The following CDK19 variants were observed in gnomAD, a reference collection of about 807,000 sequenced individuals.
CDK19 encodes cyclin-dependent kinase 19.
In CDK19, 20 loss-of-function variants were observed where a neutral mutation model predicts 68.3. The ratio of observed to expected loss-of-function variants is 0.29; its 90% CI spans 0.21 to 0.43. The LOEUF is 0.43. Ranked by LOEUF, CDK19 falls within the 20% of genes least tolerant of loss-of-function variation. The probability of loss-of-function intolerance (pLI) is 1.00; values close to 1 mark genes in which losing one functional copy is unlikely to be tolerated. For missense variants in CDK19, 339 were observed against 623.5 expected (o/e 0.54, Z 4.86); for synonymous variants, 221 against 222.8 (o/e 0.99, Z 0.07).
At chr6:110,785,622 TGGCAGA>T (rs1239943455) in intron 1 of CDK19, among the ~76,000 whole-genome samples, 2 of 152,078 alleles carry the variant, frequency 1.3e-5, no homozygotes, top group Non-Finnish European at 2.9e-5. Flanking sequence ...GTCTCAAGGA[TGGCAGA>T]GGCGGAGGAG....
intron 1 of CDK19, among the ~76,000 whole-genome samples, chr6:110,791,490 T>C (rs1781592393): frequency 1.3e-5 from 2 of 152,100 alleles, no homozygotes; most frequent in South Asian, 2.1e-4. Flanking sequence ...ATATTCATTA[T>C]ATATTGTAAA....
At chr6:110,793,839 A>C (rs927899988) in intron 1 of CDK19, among the ~76,000 whole-genome samples, 1 of 152,198 alleles carries the variant, frequency 6.6e-6, no homozygotes, top group Non-Finnish European at 1.5e-5. Flanking sequence ...ATGTACAAAA[A>C]CCACTGAACA....
chr6:110,672,530 T>C (rs1771107042), intron 2 of CDK19, among the ~76,000 whole-genome samples: 1 of 152,244 alleles, frequency 6.6e-6, no homozygotes, highest in Non-Finnish European at 1.5e-5. Flanking sequence ...TCAAAGTATA[T>C]ACAAGGTTAT....
intron 6 of CDK19, among the ~76,000 whole-genome samples, chr6:110,628,196 G>A (rs1403809265): frequency 1.3e-5 from 2 of 152,112 alleles, no homozygotes; most frequent in Non-Finnish European, 2.9e-5. Flanking sequence ...GGGCGACAGA[G>A]TGAAACACCA....
intron 4 of CDK19, among the ~76,000 whole-genome samples, chr6:110,666,925 T>C (rs1244517665): frequency 6.6e-6 from 1 of 152,060 alleles, no homozygotes; most frequent in Non-Finnish European, 1.5e-5. Context: ...AAAAGTAAAA[T>C]CAAACACTAA....
chr6:110,778,258 G>A (rs552889280), intron 1 of CDK19, among the ~76,000 whole-genome samples: 44 of 152,138 alleles, frequency 2.9e-4, no homozygotes, highest in East Asian at 9.6e-4. Context: ...CTGTAAACCC[G>A]TTTAATGTAT....
intron 4 of CDK19, among the ~76,000 whole-genome samples, chr6:110,651,107 G>A (rs1236853856): frequency 1.3e-5 from 2 of 152,158 alleles, no homozygotes; most frequent in Admixed American, 6.5e-5. Context: ...GTTGGGAAGG[G>A]GGTTGTCAAT....
chr6:110,720,056 G>C (rs1036255644), intron 2 of CDK19, among the ~76,000 whole-genome samples: 1 of 144,676 alleles, frequency 6.9e-6, no homozygotes, highest in African/African-American at 2.6e-5. Flanking sequence ...TGCCATGGCA[G>C]TGGGTTTAAC....
intron 1 of CDK19, among the ~76,000 whole-genome samples, chr6:110,805,031 A>G (rs891961137): frequency 4.6e-5 from 7 of 151,936 alleles, no homozygotes; most frequent in African/African-American, 1.7e-4. Context: ...TCACTTCTGG[A>G]TAAGAACTCA....
At chr6:110,808,923 G>A (rs955920285) in intron 1 of CDK19, among the ~76,000 whole-genome samples, 1 of 151,984 alleles carries the variant, frequency 6.6e-6, no homozygotes, top group African/African-American at 2.4e-5. Flanking sequence ...TCAAAGAAAT[G>A]GGGCCAGGCG....
Position 110,746,213 on chromosome 6 carries a change from CA to C in CDK19, c.129-13del. ...CCTTTTCATCTTTTCTGCACATAAA[CA>C]AAAAAACATCATTTTTCCATATATC... On this transcript the variant is annotated splice_polypyrimidine_tract_variant and intron_variant, in intron 1 of 12. Transcript: ENST00000368911. 17 of 1,530,642 alleles carry C rather than the reference CA, an allele frequency of 1.1e-5. No homozygotes were observed. Among genetic ancestry groups the C allele is most frequent in the Admixed American group, 1.9e-5 (1 of 53,142 alleles). 94.8% of individuals were successfully genotyped at this position (1,530,642 alleles called of 1,614,324 possible).
chr6:110,693,864 C>T (rs1357957192), intron 2 of CDK19, among the ~76,000 whole-genome samples: 2 of 151,958 alleles, frequency 1.3e-5, no homozygotes, highest in Non-Finnish European at 2.9e-5. Flanking sequence ...CCACCCATAG[C>T]CTGAGAAACC....
At chr6:110,734,991 G>C (rs1427051389) in intron 2 of CDK19, among the ~76,000 whole-genome samples, 1 of 152,050 alleles carries the variant, frequency 6.6e-6, no homozygotes, top group Non-Finnish European at 1.5e-5. Context: ...TTCAAGTAAT[G>C]TATATTCAAA....
At chr6:110,756,034 C>CA (rs1778815588) in intron 1 of CDK19, among the ~76,000 whole-genome samples, 1 of 152,066 alleles carries the variant, frequency 6.6e-6, no homozygotes, top group Non-Finnish European at 1.5e-5. Context: ...CCAAGGCAGG[C>CA]AGATCACTGA....
intron 2 of CDK19, among the ~76,000 whole-genome samples, chr6:110,703,340 T>C (rs1217987896): frequency 6.6e-6 from 1 of 152,126 alleles, no homozygotes; most frequent in African/African-American, 2.4e-5. Context: ...CTTAGGGAAA[T>C]ATATTAATTA....
At chr6:110,814,439 C>T (rs541034557) in intron 1 of CDK19, 1 of 359,490 alleles carries the variant, frequency 2.8e-6, no homozygotes, top group Admixed American at 3.8e-5. Flanking sequence ...CATAGAGAAG[C>T]CAACGGGCCG....
At chr6:110,780,663 C>T (rs1428672934) in intron 1 of CDK19, among the ~76,000 whole-genome samples, 1 of 152,012 alleles carries the variant, frequency 6.6e-6, no homozygotes, top group African/African-American at 2.4e-5. Flanking sequence ...TTCAAGACAT[C>T]TCTACAACAA....
intron 1 of CDK19, among the ~76,000 whole-genome samples, chr6:110,799,004 C>T (rs947888212): frequency 1.3e-5 from 2 of 151,528 alleles, no homozygotes; most frequent in African/African-American, 2.4e-5. Flanking sequence ...ATCAACCAGG[C>T]GTGGTAGTGG....
intron 2 of CDK19, among the ~76,000 whole-genome samples, chr6:110,721,155 G>A (rs1487693647): frequency 2.0e-5 from 3 of 152,074 alleles, no homozygotes; most frequent in Non-Finnish European, 4.4e-5. Flanking sequence ...CAGGAGAATC[G>A]CTTGAACCCG....
Sources: allele counts gnomAD v4.1 joint callset (sites outside exome capture counted in the v4.1 genomes callset), GRCh38; gene constraint gnomAD v4.1.1; transcripts MANE v1.5; gene names NCBI Gene and HGNC (gene_info 2026-07-23, HGNC 2026-07-21).